The following RARS1 variants were observed in gnomAD, a reference collection of about 807,000 sequenced individuals.
The protein encoded by RARS1 is arginine--tRNA ligase, cytoplasmic.
Under a neutral mutation model 78.7 loss-of-function variants are expected in RARS1, and 75 were observed. The observed-to-expected ratio is 0.95, with a 90% confidence interval of 0.79 to 1.15. The LOEUF (loss-of-function observed/expected upper bound fraction) is 1.15. Among genes scored for constraint, RARS1 ranks in the 50% most tolerant of loss-of-function variants. RARS1 has a pLI of 0.00. For synonymous variants in RARS1, 273 were observed against 268.2 expected, an observed-to-expected ratio of 1.02 and a Z score of -0.18; for missense variants, 787 against 787.5, an observed-to-expected ratio of 1.00 and a Z score of 0.01.
intron 2 of RARS1, among the ~76,000 whole-genome samples, chr5:168,491,665 C>G (rs547989123): frequency 1.3e-5 from 2 of 152,280 alleles, no homozygotes; most frequent in East Asian, 3.9e-4. Flanking sequence ...AGTGACTTAT[C>G]TGTAGCCCAC....
At chr5:168,499,200 A>G (rs189093238) in intron 7 of RARS1, among the ~76,000 whole-genome samples, 73 of 151,936 alleles carry the variant, frequency 4.8e-4, no homozygotes, top group Non-Finnish European at 7.9e-4. Context: ...AGTTCCAGCT[A>G]CTTGGGAGGC....
At chr5:168,490,429 A>G (rs1302127017) in intron 2 of RARS1, among the ~76,000 whole-genome samples, 1 of 152,182 alleles carries the variant, frequency 6.6e-6, no homozygotes, top group Non-Finnish European at 1.5e-5. Context: ...CAGCCTCCCA[A>G]GTAGCTGGGA....
chr5:168,500,048 T>C (rs1758282064), intron 7 of RARS1, among the ~76,000 whole-genome samples: 1 of 151,128 alleles, frequency 6.6e-6, no homozygotes, highest in South Asian at 2.1e-4. Flanking sequence ...ATTAGGCGGG[T>C]GTGATGGCTT....
At chr5:168,500,568 T>G in intron 7 of RARS1, 23 bp from the exon 8 acceptor site, 4 of 1,431,856 alleles carry the variant, frequency 2.8e-6, no homozygotes, top group Non-Finnish European at 3.7e-6. Flanking sequence ...ACACCTTACT[T>G]TTTAAAATAT....
chr5:168,494,623 A>C lies in RARS1; in HGVS notation c.552A>C (p.Gln184His). Residue 184 changes from glutamine (Q) to histidine (H), a missense_variant, in exon 5 of 15, where the codon CAA becomes CAC. Coordinates refer to ENST00000231572, the MANE Select transcript of RARS1 (RefSeq NM_002887.4). ...QLTSLLVNGV[Q>H]LPALGENKKV... The stretch of plus-strand genomic sequence containing the variant: ...CCAGTCTTCTAGTGAATGGAGTTCA[A>C]CTACCTGCTCTGGGAGAGAATAAAA... 1 of 1,603,598 alleles carries C rather than the reference A, an allele frequency of 6.2e-7. No homozygotes were observed.
chr5:168,494,463 C>A, intron 4 of RARS1, 87 bp from the exon 5 acceptor site: 1 of 1,556,550 alleles, frequency 6.4e-7, no homozygotes, highest in Non-Finnish European at 8.6e-7. Context: ...TTGCCAGAGC[C>A]AGGTCAGTGT....
chr5:168,486,524 C>A lies in RARS1; in HGVS notation c.26C>A (p.Ser9Tyr). Residue 9 changes from serine (S) to tyrosine (Y), a missense_variant, in exon 1 of 15, where the codon TCC (serine) becomes TAC (tyrosine). Coordinates refer to ENST00000231572, the MANE Select transcript of RARS1 (RefSeq NM_002887.4). MDVLVSEC[S>Y]ARLLQQEEEI... ...ATGGACGTACTGGTGTCTGAGTGCT[C>A]CGCGCGGCTGCTGCAGCAGGTTTGG... The A allele has an allele frequency of 6.4e-7, 1 of 1,559,032 alleles. No individual in the cohort carries two copies. The highest frequency in any genetic ancestry group is 8.7e-7 in the Non-Finnish European group (1 of 1,150,634).
chr5:168,498,090 G>C (rs1255997250), intron 7 of RARS1: 3 of 152,072 alleles, frequency 2.0e-5, no homozygotes, highest in Non-Finnish European at 4.4e-5. Flanking sequence ...AACTAGCCAG[G>C]CATGGTGGTT....
At chr5:168,517,632 T>G (rs1485282035) in intron 13 of RARS1, among the ~76,000 whole-genome samples, 183 bp from the exon 14 acceptor site, 1 of 152,162 alleles carries the variant, frequency 6.6e-6, no homozygotes, top group Non-Finnish European at 1.5e-5. Flanking sequence ...TATATTTCCA[T>G]TTTTAGTATT....
At chr5:168,491,387 A>T (rs994520518) in intron 2 of RARS1, among the ~76,000 whole-genome samples, 1 of 152,196 alleles carries the variant, frequency 6.6e-6, no homozygotes, top group Non-Finnish European at 1.5e-5. Context: ...AGAGAAAAGG[A>T]TCATATCCAA....
intron 11 of RARS1, 79 bp from the exon 12 acceptor site, chr5:168,510,502 C>G: frequency 9.4e-7 from 1 of 1,063,272 alleles, no homozygotes; most frequent in Middle Eastern, 2.0e-4. Context: ...GTGGTCAGGT[C>G]TCTCAAACCT....
rs1224937782 is a variant in RARS1, at chr5:168,505,689, C to T, written c.1058-332C>T. On this transcript the variant is annotated intron_variant, in intron 9 of 14. Transcript: ENST00000231572. ...AGGAGTTTGAGACCGGCCTGGGCAA[C>T]GTAGCAAGACTGTGTATCAAAAAAG... Among the ~76,000 whole-genome samples the T allele has an allele frequency of 4.6e-5, 6 of 129,430 alleles. No individual in the cohort carries two copies. The East Asian group carries it at 1.2e-3, about 26-fold the overall frequency. The allele number at this position is 129,430 out of a possible 152,430, so 84.9% of individuals were successfully genotyped here.
At position 168,519,216 on chromosome 5, in the gene RARS1, G is replaced by GT. The variant is rs768233678; in HGVS notation, c.*31dup. 1 of 1,566,414 alleles carries GT rather than the reference G, an allele frequency of 6.4e-7. No individual in the cohort carries two copies. Among genetic ancestry groups the GT allele is most frequent in the South Asian group, 1.1e-5 (1 of 87,596 alleles). On this transcript the variant is annotated 3_prime_UTR_variant, in exon 15 of 15. Coordinates refer to ENST00000231572, the MANE Select transcript of RARS1 (RefSeq NM_002887.4). Reference sequence around the variant, plus strand: ...TCCTTCATAGGTTTGAACACTGTGTGTTTTTACCAAAGTGGCCATTGGCAC... The same window carrying GT: ...TCCTTCATAGGTTTGAACACTGTGTGTTTTTTACCAAAGTGGCCATTGGCAC...
intron 13 of RARS1, 37 bp from the exon 14 acceptor site, chr5:168,517,778 G>A (rs1758701849): frequency 6.8e-7 from 1 of 1,466,018 alleles, no homozygotes; most frequent in Non-Finnish European, 9.2e-7. Flanking sequence ...AAAGGGAACA[G>A]TGGTGATTGC....
intron 9 of RARS1, among the ~76,000 whole-genome samples, chr5:168,504,755 G>A (rs1321868032): frequency 1.3e-5 from 2 of 151,986 alleles, no homozygotes; most frequent in African/African-American, 4.8e-5. Context: ...AACCCGGGAG[G>A]CAGAGCTTGC....
chr5:168,513,108 C>T (rs1160506604), intron 12 of RARS1, among the ~76,000 whole-genome samples: 1 of 151,218 alleles, frequency 6.6e-6, no homozygotes, highest in Non-Finnish European at 1.5e-5. Context: ...TGCAGTGGCA[C>T]GATCTCGGCT....
At chr5:168,513,492 G>A (rs1286873393) in intron 12 of RARS1, among the ~76,000 whole-genome samples, 1 of 151,980 alleles carries the variant, frequency 6.6e-6, no homozygotes, top group Non-Finnish European at 1.5e-5. Context: ...GCTAATTTTT[G>A]TATTGTTTTT....
chr5:168,516,973 T>C, intron 13 of RARS1, 23 bp downstream of exon 13: 1 of 1,597,788 alleles, frequency 6.3e-7, no homozygotes, highest in Non-Finnish European at 8.6e-7. Context: ...AGGCATTGTT[T>C]TATTGTGAAT....
intron 8 of RARS1, among the ~76,000 whole-genome samples, 167 bp downstream of exon 8, chr5:168,500,887 A>AT (rs1758306343): frequency 1.3e-5 from 2 of 152,184 alleles, no homozygotes; most frequent in African/African-American, 4.8e-5. Flanking sequence ...TGAACCTGCC[A>AT]TAAGACAGGC....
Sources: gnomAD v4.1 joint callset for allele counts (sites outside exome capture counted in the v4.1 genomes callset) on GRCh38, gnomAD v4.1.1 for gene constraint, MANE v1.5 for transcripts, NCBI Gene and HGNC (gene_info 2026-07-23, HGNC 2026-07-21) for gene names.